PRTFDC1: variants seen among roughly 807,000 people sequenced by gnomAD.
The protein encoded by PRTFDC1 is phosphoribosyltransferase domain-containing protein 1.
A neutral mutation model predicts 34.6 loss-of-function variants in PRTFDC1; 38 were observed. The ratio of observed to expected loss-of-function variants is 1.10; its 90% CI spans 0.85 to 1.44. PRTFDC1 has a LOEUF of 1.44. Ranked by LOEUF, PRTFDC1 falls within the 40% of genes most tolerant of loss-of-function variation. The pLI is 0.00. For missense variants in PRTFDC1, 270 were observed against 283.0 expected, an observed-to-expected ratio of 0.95 and a Z score of 0.33; for synonymous variants, 93 against 98.1, an observed-to-expected ratio of 0.95 and a Z score of 0.31.
chr10:24,849,985 T>C, intron 8 of PRTFDC1, 94 bp from the exon 9 acceptor site: 4 of 1,137,466 alleles, frequency 3.5e-6, no homozygotes, highest in Non-Finnish European at 5.3e-6. Context: ...CATCCTGTAA[T>C]TGGCTATTGA....
At chr10:24,893,325 G>A (rs1364316004) in intron 3 of PRTFDC1, among the ~76,000 whole-genome samples, 1 of 151,336 alleles carries the variant, frequency 6.6e-6, no homozygotes, top group African/African-American at 2.4e-5. Context: ...GTCTTGTTCT[G>A]TTGCCTGGGC....
chr10:24,903,998 T>C (rs1848492202), intron 3 of PRTFDC1, among the ~76,000 whole-genome samples: 1 of 152,106 alleles, frequency 6.6e-6, no homozygotes, highest in South Asian at 2.1e-4. Context: ...TGGAGTTCTA[T>C]TCTAAGAACT....
At chr10:24,938,841 C>T (rs1020092455) in intron 2 of PRTFDC1, among the ~76,000 whole-genome samples, 13 of 152,126 alleles carry the variant, frequency 8.5e-5, no homozygotes, top group African/African-American at 1.9e-4. Context: ...AAGTAAACAT[C>T]GAAAGATTTG....
intron 4 of PRTFDC1, among the ~76,000 whole-genome samples, chr10:24,870,593 T>C (rs74122886): frequency 0.013 from 2,025 of 152,330 alleles, 45 homozygotes; most frequent in African/African-American, 0.042. Flanking sequence ...TTAAAACTTA[T>C]GAATTTCTGG....
chr10:24,890,619 T>G (rs946875264), intron 3 of PRTFDC1, among the ~76,000 whole-genome samples: 1 of 152,174 alleles, frequency 6.6e-6, no homozygotes, highest in African/African-American at 2.4e-5. Flanking sequence ...TGAGTCAGGG[T>G]GGCAGGGAAG....
At chr10:24,908,566 G>T in intron 3 of PRTFDC1, 1 of 1,612,814 alleles carries the variant, frequency 6.2e-7, no homozygotes, top group Non-Finnish European at 8.5e-7. Context: ...GCACTTGGAG[G>T]TAACCTCTCC....
At chr10:24,940,154 A>T (rs11014312) in intron 2 of PRTFDC1, among the ~76,000 whole-genome samples, 12,669 of 152,236 alleles carry the variant, frequency 0.083, 675 homozygotes, top group Middle Eastern at 0.13. Context: ...ACAGTCAGAG[A>T]ATCAGTAAGC....
chr10:24,870,037 A>C (rs1464480784), intron 4 of PRTFDC1, among the ~76,000 whole-genome samples: 2 of 152,236 alleles, frequency 1.3e-5, no homozygotes, highest in Admixed American at 1.3e-4. Flanking sequence ...GCAAATAAAA[A>C]ATAAGCCCTA....
intron 3 of PRTFDC1, among the ~76,000 whole-genome samples, chr10:24,874,190 C>T (rs74122889): frequency 0.015 from 2,317 of 152,040 alleles, 66 homozygotes; most frequent in African/African-American, 0.053. Context: ...AAGTGGTCCA[C>T]TAAGTTAGAT....
At chr10:24,924,020 A>T (rs1237137283) in intron 3 of PRTFDC1, among the ~76,000 whole-genome samples, 1 of 152,224 alleles carries the variant, frequency 6.6e-6, no homozygotes, top group East Asian at 1.9e-4. Flanking sequence ...AAGCTTCAAT[A>T]GCTGATTCGA....
At chr10:24,913,243 C>T (rs575965654) in intron 3 of PRTFDC1, among the ~76,000 whole-genome samples, 1 of 152,248 alleles carries the variant, frequency 6.6e-6, no homozygotes, top group African/African-American at 2.4e-5. Context: ...ATTAGCTTCC[C>T]CATGTTGGTT....
At chr10:24,948,926 G>C (rs1849293526) in intron 1 of PRTFDC1, among the ~76,000 whole-genome samples, 1 of 152,202 alleles carries the variant, frequency 6.6e-6, no homozygotes, top group African/African-American at 2.4e-5. Context: ...ATGTAGTATA[G>C]TGATTGAAAG....
intron 4 of PRTFDC1, among the ~76,000 whole-genome samples, chr10:24,863,089 G>A (rs540820915): frequency 1.1e-3 from 172 of 152,216 alleles, no homozygotes; most frequent in Middle Eastern, 3.4e-3. Flanking sequence ...CTGTTGGCCA[G>A]GCTGGTCTTG....
intron 3 of PRTFDC1, among the ~76,000 whole-genome samples, chr10:24,902,457 A>C (rs928203312): frequency 9.2e-5 from 14 of 152,198 alleles, no homozygotes; most frequent in Admixed American, 4.6e-4. Context: ...GGAAATGTGT[A>C]GTTCAGGCCT....
At chr10:24,912,696 G>A (rs1265603284) in intron 3 of PRTFDC1, among the ~76,000 whole-genome samples, 1 of 151,956 alleles carries the variant, frequency 6.6e-6, no homozygotes, top group East Asian at 1.9e-4. Flanking sequence ...CCCAAACTTT[G>A]AAGTCATCCT....
chr10:24,916,399 C>A (rs1237561618), intron 3 of PRTFDC1, among the ~76,000 whole-genome samples: 7 of 152,184 alleles, frequency 4.6e-5, no homozygotes, highest in African/African-American at 1.7e-4. Context: ...CCAGTGAAAT[C>A]TTCCTACTTA....
intron 4 of PRTFDC1, among the ~76,000 whole-genome samples, chr10:24,869,408 C>T (rs1847840102): frequency 6.6e-6 from 1 of 152,264 alleles, no homozygotes; most frequent in Non-Finnish European, 1.5e-5. Flanking sequence ...AACCCAGTGA[C>T]AACTAATGAT....
Position 24,946,945 on chromosome 10 carries a change from G to T in PRTFDC1, c.49-4509C>A, listed in dbSNP as rs577086552. ...GAGCCCAAGAGTGTGAGACCAGCCT[G>T]GGTAATATAATGAGAACCCATCTCT... On this transcript the variant is annotated intron_variant, in intron 1 of 8. Transcript: ENST00000320152. Among the ~76,000 whole-genome samples the T allele has an allele frequency of 3.3e-5, 5 of 152,176 alleles. No homozygotes were observed. In the East Asian group the frequency reaches 9.7e-4, roughly 29 times the overall value.
intron 1 of PRTFDC1, among the ~76,000 whole-genome samples, chr10:24,950,764 G>C (rs1564323351): frequency 6.6e-6 from 1 of 151,816 alleles, no homozygotes; most frequent in Non-Finnish European, 1.5e-5. Context: ...TCTTATATTT[G>C]GGACTTTCCA....
Sources: allele counts gnomAD v4.1 joint callset (sites outside exome capture counted in the v4.1 genomes callset), GRCh38; gene constraint gnomAD v4.1.1; transcripts MANE v1.5; gene names NCBI Gene and HGNC (gene_info 2026-07-23, HGNC 2026-07-21).